The following SLC37A1 variants were observed in gnomAD, a reference collection of about 807,000 sequenced individuals.
SLC37A1 encodes glucose-6-phosphate exchanger SLC37A1.
In SLC37A1, 49 loss-of-function variants were observed where a neutral mutation model predicts 75.3. The observed-to-expected ratio is 0.65, with a 90% CI of 0.52 to 0.83. SLC37A1 has a LOEUF of 0.83. Among genes scored for constraint, SLC37A1 ranks in the 40% least tolerant of loss-of-function variants. SLC37A1 has a pLI of 0.00. For missense variants in SLC37A1, 566 were observed against 695.0 expected (o/e 0.81, Z 2.09); for synonymous variants, 268 against 292.1 (o/e 0.92, Z 0.84).
chr21:42,508,800 A>G (rs1343456472), intron 2 of SLC37A1: 2 of 152,242 alleles, frequency 1.3e-5, no homozygotes, highest in African/African-American at 4.8e-5. Context: ...GAAAAGCAAG[A>G]AAGTTACTCT....
intron 11 of SLC37A1, among the ~76,000 whole-genome samples, chr21:42,561,055 A>C (rs1260164593): frequency 2.0e-5 from 3 of 152,246 alleles, no homozygotes; most frequent in Non-Finnish European, 2.9e-5. Context: ...ATTTAATGAC[A>C]ACTAAGCACA....
At chr21:42,524,631 G>C (rs979054755) in intron 2 of SLC37A1, among the ~76,000 whole-genome samples, 9 of 152,242 alleles carry the variant, frequency 5.9e-5, no homozygotes, top group African/African-American at 2.2e-4. Context: ...CCAGAAACTT[G>C]TGGTTAGTTT....
intron 13 of SLC37A1, 75 bp downstream of exon 13, chr21:42,563,952 C>T: frequency 1.3e-6 from 2 of 1,525,912 alleles, no homozygotes; most frequent in East Asian, 2.3e-5. Flanking sequence ...ATTCACTGCT[C>T]AGGGGAACAG....
chr21:42,512,054 A>G (rs2054438894), upstream of SLC37A1, among the ~76,000 whole-genome samples: 1 of 129,538 alleles, frequency 7.7e-6, no homozygotes, highest in South Asian at 2.5e-4. Flanking sequence ...CAAGAAGAAT[A>G]GATCTTAAAT....
intron 3 of SLC37A1, among the ~76,000 whole-genome samples, chr21:42,532,998 G>T (rs2055029462): frequency 1.3e-5 from 2 of 152,212 alleles, no homozygotes; most frequent in Admixed American, 6.5e-5. Flanking sequence ...CAGTGACGTG[G>T]CCCACGTGCT....
chr21:42,517,150 C>T (rs571532239), intron 1 of SLC37A1, among the ~76,000 whole-genome samples: 1 of 152,336 alleles, frequency 6.6e-6, no homozygotes, highest in Admixed American at 6.5e-5. Context: ...TGCGCATTTA[C>T]TACGTACCAG....
At chr21:42,562,043 A>T in intron 11 of SLC37A1, 35 bp from the exon 12 acceptor site, 1 of 1,565,454 alleles carries the variant, frequency 6.4e-7, no homozygotes, top group Non-Finnish European at 8.8e-7. Flanking sequence ...CTGACTCCAC[A>T]TTTGGAGGAG....
At position 42,580,376 on chromosome 21, in the gene SLC37A1, C is replaced by G; in HGVS notation, c.*16C>G. 6.2e-7 allele frequency: 1 copy of G among 1,612,924 alleles called. No homozygotes were observed. Among genetic ancestry groups the G allele is most frequent in the Non-Finnish European group, 8.5e-7 (1 of 1,179,648 alleles). ...GGAACAGTGACACCCCACCCCAGTC[C>G]CGTGGAGGGGGTCTGGGCCCACCCT... On this transcript the variant is annotated 3_prime_UTR_variant, in exon 20 of 20. Transcript: ENST00000352133.
intron 17 of SLC37A1, among the ~76,000 whole-genome samples, chr21:42,569,358 G>A (rs1041077747): frequency 4.6e-5 from 7 of 152,216 alleles, no homozygotes; most frequent in African/African-American, 1.7e-4. Context: ...TGCTGTCTCA[G>A]TGATGCAGAA....
chr21:42,524,523 T>A (rs940888306), intron 2 of SLC37A1, among the ~76,000 whole-genome samples: 5 of 152,216 alleles, frequency 3.3e-5, no homozygotes, highest in African/African-American at 1.2e-4. Flanking sequence ...CGTGAAATAT[T>A]TATATGTCTG....
intron 3 of SLC37A1, among the ~76,000 whole-genome samples, chr21:42,526,577 G>A (rs573834865): frequency 1.3e-5 from 2 of 152,300 alleles, no homozygotes; most frequent in South Asian, 4.1e-4. Flanking sequence ...TGTGACCTTT[G>A]GAGCTGTGCT....
At chr21:42,572,677 C>CACAAAAAA (rs1378861804) in intron 17 of SLC37A1, among the ~76,000 whole-genome samples, 133 of 80,508 alleles carry the variant, frequency 1.7e-3, no homozygotes, top group African/African-American at 5.2e-3. Context: ...CACACACACA[C>CACAAAAAA]AAAAAAAAAA....
At position 42,541,202 on chromosome 21, in the gene SLC37A1, C is replaced by T. The variant is rs576775096; in HGVS notation, c.487-1202C>T. On this transcript the variant is annotated intron_variant, in intron 6 of 19. Transcript: ENST00000352133. ...GCGCTCCTATGAGAATCTAACGCCC[C>T]GCTGATCTGACAGGAGGTGGAGCTC... is the stretch of plus-strand genomic sequence containing the variant. 6.0e-4 allele frequency among the ~76,000 whole-genome samples: 91 copies of T among 152,332 alleles called. 1 individual carries two copies. Among genetic ancestry groups the T allele is most frequent in the African/African-American group, 2.1e-3 (87 of 41,574 alleles).
chr21:42,569,170 G>C (rs922436635), intron 17 of SLC37A1, among the ~76,000 whole-genome samples: 1 of 152,178 alleles, frequency 6.6e-6, no homozygotes, highest in East Asian at 1.9e-4. Flanking sequence ...GCTGCGTGGG[G>C]GTCTCCAGTA....
chr21:42,566,579 C>T (rs1368777112), intron 15 of SLC37A1, among the ~76,000 whole-genome samples: 2 of 152,176 alleles, frequency 1.3e-5, no homozygotes, highest in Non-Finnish European at 2.9e-5. Context: ...CTGTGACCCC[C>T]CCTCAGGCCA....
In SLC37A1 at chr21:42,579,776, G is replaced by A. The variant is rs1243996491; in HGVS notation, c.1562G>A (p.Gly521Glu). The A allele has an allele frequency of 6.2e-7, 1 of 1,614,078 alleles. No homozygotes were observed. Among genetic ancestry groups the A allele is most frequent in the African/African-American group, 1.3e-5 (1 of 74,946 alleles). ...ATACACAAGGAGCTGAGCTGCCCAG[G>A]GTCAGCTACGGGGGACCAAGTTCCG... ...RLIHKELSCP[G>E]SATGDQVPFK... The change falls in exon 19 of 20, where the codon GGG becomes GAG. Residue 521 changes from glycine (G) to glutamate (E), a missense_variant. By Grantham distance (98) the Gly-to-Glu change is moderately conservative. Coordinates refer to ENST00000352133, the MANE Select transcript of SLC37A1 (RefSeq NM_001320537.2).
In SLC37A1 at chr21:42,548,465, C is replaced by T. The variant is rs2055473252; in HGVS notation, c.768+1325C>T. Among the ~76,000 whole-genome samples, 2 of 152,120 alleles carry T rather than the reference C, an allele frequency of 1.3e-5. No individual in the cohort carries two copies. The highest frequency in any genetic ancestry group is 1.3e-4 in the Admixed American group (2 of 15,274). ...CCGAGGAGCCAGCCCAACACCCCCTCCCTTCAGCCCCGCACCCCATCCTTG... is the reference window on the plus strand; with the variant it reads ...CCGAGGAGCCAGCCCAACACCCCCTTCCTTCAGCCCCGCACCCCATCCTTG... On this transcript the variant is annotated intron_variant, in intron 9 of 19. Coordinates refer to ENST00000352133, the MANE Select transcript of SLC37A1 (RefSeq NM_001320537.2). This position sits in a 1 kb window ranked among gnomAD's most constrained non-coding sequence, Gnocchi z 5.6.
chr21:42,543,932 C>T (rs1035197729), intron 8 of SLC37A1, among the ~76,000 whole-genome samples: 1 of 152,208 alleles, frequency 6.6e-6, no homozygotes, highest in Non-Finnish European at 1.5e-5. Context: ...CCCATCTTGC[C>T]ACCACAGCCT....
chr21:42,554,045 A>T lies in SLC37A1; in HGVS notation c.769-17A>T. ...GTTGAATCAGTATCGCTCTAATGAA[A>T]CTTTTTTTTTTACCAGCACTCAAAA... is the stretch of plus-strand genomic sequence containing the variant. On this transcript the variant is annotated splice_polypyrimidine_tract_variant and intron_variant, in intron 9 of 19. Coordinates refer to ENST00000352133, the MANE Select transcript of SLC37A1 (RefSeq NM_001320537.2). The T allele has an allele frequency of 1.3e-6, 2 of 1,591,702 alleles. No individual in the cohort carries two copies. The highest frequency in any genetic ancestry group is 1.7e-6 in the Non-Finnish European group (2 of 1,165,392).
Sources: gnomAD v4.1 joint callset for allele counts (sites outside exome capture counted in the v4.1 genomes callset) on GRCh38, gnomAD v4.1.1 for gene constraint, Gnocchi (gnomAD v3.1) non-coding constraint, MANE v1.5 for transcripts, NCBI Gene and HGNC (gene_info 2026-07-23, HGNC 2026-07-21) for gene names.